CTNNA3: variants seen among roughly 807,000 people sequenced by gnomAD.
CTNNA3 encodes catenin alpha 3.
A neutral mutation model predicts 95.7 loss-of-function variants in CTNNA3; 76 were observed. The observed-to-expected ratio is 0.79, with a 90% CI of 0.66 to 0.96. The LOEUF (loss-of-function observed/expected upper bound fraction) is 0.96, where lower values mean the gene tolerates loss of function less well. Ranked by LOEUF, CTNNA3 falls within the 40% of genes least tolerant of loss-of-function variation. CTNNA3 has a pLI of 0.00. For missense variants in CTNNA3, 1,191 were observed against 1,089.8 expected (o/e 1.09, Z -1.31); for synonymous variants, 431 against 374.4 (o/e 1.15, Z -1.74).
chr10:67,293,058 C>G (rs557233307), intron 5 of CTNNA3, among the ~76,000 whole-genome samples: 75 of 152,022 alleles, frequency 4.9e-4, no homozygotes, highest in Non-Finnish European at 8.1e-4. Context: ...GCAGAACCAT[C>G]AGAAGTTCTC....
At chr10:66,481,503 G>T (rs1390281209) in intron 11 of CTNNA3, among the ~76,000 whole-genome samples, 4 of 98,626 alleles carry the variant, frequency 4.1e-5, no homozygotes, top group African/African-American at 2.1e-4. Flanking sequence ...ACGGAGTCTC[G>T]CTCTGTCGCC....
At position 66,880,569 on chromosome 10, in the gene CTNNA3, T is replaced by C. The variant is rs1005067469; in HGVS notation, c.1048-105045A>G. ...TGCTCAGGGACTTTGATGACCCTAG[T>C]CTTGGAAATAAAACTAAAAATAGAC... On this transcript the variant is annotated intron_variant, in intron 7 of 17. Transcript: ENST00000433211. Among the ~76,000 whole-genome samples, 6 of 152,228 alleles carry C rather than the reference T, an allele frequency of 3.9e-5. No homozygotes were observed. In the East Asian group the frequency reaches 9.7e-4, roughly 24 times the overall value.
chr10:66,013,887 T>C (rs1423066584), intron 15 of CTNNA3, among the ~76,000 whole-genome samples: 2 of 152,216 alleles, frequency 1.3e-5, no homozygotes, highest in Non-Finnish European at 2.9e-5. Context: ...TCCTTGATTA[T>C]ATGTTGAAAA....
chr10:65,972,907 A>AGG (rs1564550268), intron 16 of CTNNA3, among the ~76,000 whole-genome samples: 2,467 of 98,106 alleles, frequency 0.025, 30 homozygotes, highest in African/African-American at 0.042. Context: ...TAAGGGGGAA[A>AGG]AAAAAAAAAA....
intron 5 of CTNNA3, among the ~76,000 whole-genome samples, chr10:67,267,372 T>C (rs1866873361): frequency 1.3e-5 from 2 of 152,166 alleles, no homozygotes; most frequent in Admixed American, 1.3e-4. Context: ...TAATCTTCTT[T>C]TTTTGTTTTT....
intron 2 of CTNNA3, among the ~76,000 whole-genome samples, chr10:67,640,899 A>G (rs1214725815): frequency 1.3e-5 from 2 of 152,162 alleles, no homozygotes; most frequent in Non-Finnish European, 1.5e-5. Flanking sequence ...AACCATAAAA[A>G]CCCTAGAAGA....
At chr10:66,666,301 C>T (rs1201820204) in intron 9 of CTNNA3, among the ~76,000 whole-genome samples, 3 of 152,220 alleles carry the variant, frequency 2.0e-5, no homozygotes, top group Admixed American at 6.5e-5. Flanking sequence ...GAAAGAGATG[C>T]TAAAATCATC....
At chr10:66,803,355 T>C (rs578132543) in intron 7 of CTNNA3, among the ~76,000 whole-genome samples, 1 of 152,096 alleles carries the variant, frequency 6.6e-6, no homozygotes, top group African/African-American at 2.4e-5. Flanking sequence ...TTTCTCCACC[T>C]ACACAACTCT....
intron 7 of CTNNA3, among the ~76,000 whole-genome samples, chr10:67,014,668 G>T (rs1420818666): frequency 6.6e-6 from 1 of 151,872 alleles, no homozygotes; most frequent in Non-Finnish European, 1.5e-5. Context: ...TTAAAAGAAT[G>T]ACTATTCTTT....
At chr10:66,549,008 A>G (rs1466898809) in intron 10 of CTNNA3, among the ~76,000 whole-genome samples, 1 of 79,168 alleles carries the variant, frequency 1.3e-5, no homozygotes, top group African/African-American at 5.0e-5. Context: ...TTTTTGTTTG[A>G]GACGGAGTCT....
chr10:66,180,803 G>C (rs914431788), intron 13 of CTNNA3, among the ~76,000 whole-genome samples: 13 of 152,122 alleles, frequency 8.5e-5, no homozygotes, highest in African/African-American at 2.7e-4. Flanking sequence ...AAACAATAGA[G>C]AGTGCTTAGC....
At chr10:66,640,739 TC>T (rs767492872) in intron 9 of CTNNA3, among the ~76,000 whole-genome samples, 2 of 152,082 alleles carry the variant, frequency 1.3e-5, no homozygotes, top group Admixed American at 6.6e-5. Flanking sequence ...GAAGAATTTT[TC>T]CCCCCACCAT....
Position 66,266,241 on chromosome 10 carries a change from C to T in CTNNA3, c.1884+14229G>A, listed in dbSNP as rs76507970. On this transcript the variant is annotated intron_variant, in intron 13 of 17. Coordinates refer to ENST00000433211, the MANE Select transcript of CTNNA3 (RefSeq NM_013266.4). ...TCCCCTCCCTTGTATATTAGAACAC[C>T]ATGTAACAATGCATCAAAGGGAGAA... Among the ~76,000 whole-genome samples, 5 of 151,822 alleles carry T rather than the reference C, an allele frequency of 3.3e-5. No individual in the cohort carries two copies. In the East Asian group the frequency reaches 9.8e-4, roughly 30 times the overall value.
At chr10:67,513,626 T>G (rs1839711835) in intron 5 of CTNNA3, among the ~76,000 whole-genome samples, 2 of 152,162 alleles carry the variant, frequency 1.3e-5, no homozygotes, top group South Asian at 4.1e-4. Flanking sequence ...TGTTTTTCCC[T>G]GGAGAGAATG....
chr10:66,549,689 T>C (rs1589410315), intron 10 of CTNNA3, among the ~76,000 whole-genome samples: 4 of 152,200 alleles, frequency 2.6e-5, no homozygotes, highest in African/African-American at 7.2e-5. Context: ...TTCCATGTCA[T>C]TCAGTTTGAA....
At chr10:67,204,813 C>A (rs1863818307) in intron 6 of CTNNA3, among the ~76,000 whole-genome samples, 1 of 150,698 alleles carries the variant, frequency 6.6e-6, no homozygotes, top group South Asian at 2.1e-4. Context: ...AATTCAGAGG[C>A]TAGGGTTTTT....
chr10:66,849,466 T>A (rs999449507), intron 7 of CTNNA3, among the ~76,000 whole-genome samples: 1 of 152,150 alleles, frequency 6.6e-6, no homozygotes, highest in Non-Finnish European at 1.5e-5. Context: ...TGCCCCAAAA[T>A]TCATGTCAAC....
intron 14 of CTNNA3, among the ~76,000 whole-genome samples, chr10:66,083,626 A>G (rs923003888): frequency 3.3e-5 from 5 of 152,332 alleles, no homozygotes; most frequent in African/African-American, 1.2e-4. Flanking sequence ...TGGTCTTGGT[A>G]AAGAGGCAAC....
At chr10:66,915,986 A>T (rs911314504) in intron 7 of CTNNA3, among the ~76,000 whole-genome samples, 4 of 152,064 alleles carry the variant, frequency 2.6e-5, no homozygotes, top group African/African-American at 7.2e-5. Context: ...TGACCTGGTG[A>T]TCTGCTCACC....
Sources: allele counts gnomAD v4.1 joint callset (sites outside exome capture counted in the v4.1 genomes callset), GRCh38; gene constraint gnomAD v4.1.1; transcripts MANE v1.5; gene names NCBI Gene and HGNC (gene_info 2026-07-23, HGNC 2026-07-21).